TMEM52B: variants seen among roughly 807,000 people sequenced by gnomAD.
The protein encoded by TMEM52B is chromosome 12 open reading frame 59.
TMEM52B carries 11 observed loss-of-function variants against 16.1 expected under a neutral mutation model. The observed-to-expected ratio is 0.68, with a 90% CI of 0.43 to 1.13. The LOEUF (loss-of-function observed/expected upper bound fraction) is 1.13, where lower values mean the gene tolerates loss of function less well. Among genes scored for constraint, TMEM52B ranks in the 50% most tolerant of loss-of-function variants. The probability of loss-of-function intolerance (pLI) is 0.00; values close to 1 mark genes in which losing one functional copy is unlikely to be tolerated. For missense variants in TMEM52B, 243 were observed against 230.4 expected, an observed-to-expected ratio of 1.05 and a Z score of -0.35; for synonymous variants, 101 against 93.8, an observed-to-expected ratio of 1.08 and a Z score of -0.45.
chr12:10,190,496 A>G lies in TMEM52B; in HGVS notation c.*356A>G, dbSNP rs1948945757. 1 of 244,332 alleles carries G rather than the reference A, an allele frequency of 4.1e-6. No individual in the cohort carries two copies. Among genetic ancestry groups the G allele is most frequent in the East Asian group, 9.2e-5 (1 of 10,858 alleles). 15.1% of individuals were successfully genotyped at this position (244,332 alleles called of 1,614,324 possible). A position where few individuals can be genotyped will look rare whatever the true frequency, so the allele number is the denominator to read the frequency against. ...AAGTTGTGTCTCTCTCTGTCAGCGA[A>G]TCCACTGCGGTTAACTGGAAAAGAA... is the stretch of plus-strand genomic sequence containing the variant. On this transcript the variant is annotated 3_prime_UTR_variant, in exon 5 of 5. Coordinates refer to ENST00000543484, the MANE Select transcript of TMEM52B (RefSeq NM_001384896.1).
rs1322996044 is a variant in TMEM52B at position 10,182,538 on chromosome 12, C to A, written c.55-12C>A. The A allele has an allele frequency of 6.5e-7, 1 of 1,534,744 alleles. No individual in the cohort carries two copies. The highest frequency in any genetic ancestry group is 2.0e-5 in the Admixed American group (1 of 50,940). On this transcript the variant is annotated splice_polypyrimidine_tract_variant and intron_variant, in intron 1 of 4. Coordinates refer to ENST00000543484, the MANE Select transcript of TMEM52B (RefSeq NM_001384896.1). ...ACAATTTCCCTGTATAAGACAATTT[C>A]TCTTTCTACAGCTTTCTGGGACGAG... is the stretch of plus-strand genomic sequence containing the variant.
intron 1 of TMEM52B, among the ~76,000 whole-genome samples, chr12:10,173,333 C>T (rs920039792): frequency 6.6e-6 from 1 of 151,858 alleles, no homozygotes; most frequent in African/African-American, 2.4e-5. Flanking sequence ...AAAGAATACA[C>T]AAAGGAAGAA....
chr12:10,183,197 G>A (rs1042901480), intron 2 of TMEM52B, among the ~76,000 whole-genome samples: 3 of 152,092 alleles, frequency 2.0e-5, no homozygotes, highest in Admixed American at 1.3e-4. Context: ...GAATAAAAAC[G>A]TGTTTAGGAT....
intron 1 of TMEM52B, chr12:10,172,148 T>A: frequency 2.0e-6 from 2 of 1,013,832 alleles, no homozygotes; most frequent in Non-Finnish European, 3.1e-6. Context: ...TATGTGAGCT[T>A]CTGCAGAAGT....
In TMEM52B at chr12:10,190,051, A is replaced by G. The variant is rs1948939874; in HGVS notation, c.463A>G (p.Lys155Glu). Residue 155 changes from lysine to glutamate, a missense_variant, in exon 5 of 5, where the codon AAA becomes GAA. By Grantham distance (56) the Lys-to-Glu change is moderately conservative. Transcript: ENST00000543484. ...CTTCACAGTAGCCATGTGCGGGCAG[A>G]AAGCACCTGATCTACCCCCAGTACC... ...SRFTVAMCGQ[K>E]APDLPPVPEE... 2 of 1,614,032 alleles carry G rather than the reference A, an allele frequency of 1.2e-6. No homozygotes were observed. The highest frequency in any genetic ancestry group is 2.7e-5 in the African/African-American group (2 of 74,890).
chr12:10,175,943 C>T (rs1050673584), upstream of TMEM52B, among the ~76,000 whole-genome samples: 2 of 152,228 alleles, frequency 1.3e-5, no homozygotes, highest in South Asian at 2.1e-4. Flanking sequence ...ACACTTGTTA[C>T]ACCAGTTGTA....
Position 10,179,627 on chromosome 12 carries a change from T to C in TMEM52B, c.53T>C (p.Leu18Pro). 6.2e-7 allele frequency: 1 copy of C among 1,614,200 alleles called. No homozygotes were observed. Among genetic ancestry groups the C allele is most frequent in the Non-Finnish European group, 8.5e-7 (1 of 1,180,014 alleles). ...GCCTCAGCCCTGCTGTATTTCATCCTGGTGAGTTCAGTGGTGAAAAGGCAG... is the reference window on the plus strand; with the variant it reads ...GCCTCAGCCCTGCTGTATTTCATCCCGGTGAGTTCAGTGGTGAAAAGGCAG... The part of the protein sequence containing the change: ...VAASALLYFI[L>P]LSGTRCEENC... The change falls in exon 1 of 5, where the codon CTG becomes CCG. Residue 18 changes from leucine (L) to proline (P), a missense_variant and splice_region_variant. Transcript: ENST00000543484.
chr12:10,174,917 T>C (rs551619833), upstream of TMEM52B, among the ~76,000 whole-genome samples: 2 of 152,366 alleles, frequency 1.3e-5, no homozygotes, highest in South Asian at 2.1e-4. Context: ...CAGAATTTTG[T>C]TCCTTTTAAA....
rs765382213 is a variant in TMEM52B at position 10,172,119 on chromosome 12, A to G, written c.-95+1268A>G. 7.4e-6 allele frequency: 10 copies of G among 1,351,530 alleles called. No individual in the cohort carries two copies. In the East Asian group the frequency reaches 1.6e-4, roughly 22 times the overall value. The allele number at this position is 1,351,530 out of a possible 1,614,324, so 83.7% of individuals were successfully genotyped here. A position where few individuals can be genotyped will look rare whatever the true frequency, so the allele number is the denominator to read the frequency against. ...AGAATGAGAGAGTGAAGCAGTCACG[A>G]ACTTCAACAAACTAAAAATATGTGA... On this transcript the variant is annotated intron_variant, in intron 1 of 5. Transcript: ENST00000381923.
upstream of TMEM52B, chr12:10,178,875 A>C (rs930533366): frequency 6.6e-6 from 1 of 152,190 alleles, no homozygotes; most frequent in African/African-American, 2.4e-5. Flanking sequence ...TCCAAAGATG[A>C]GATGGCTTTC....
intron 4 of TMEM52B, 145 bp downstream of exon 4, chr12:10,186,734 C>T: frequency 2.4e-6 from 2 of 821,606 alleles, no homozygotes; most frequent in Non-Finnish European, 1.7e-6. Flanking sequence ...CCTGATGGTG[C>T]AGTGACCTGG....
intron 4 of TMEM52B, among the ~76,000 whole-genome samples, chr12:10,187,302 A>C (rs1948892261): frequency 6.6e-6 from 1 of 152,018 alleles, no homozygotes; most frequent in East Asian, 1.9e-4. Context: ...AGGTTTCACC[A>C]TCTTGGCCAG....
At chr12:10,182,121 C>T (rs150196585) in intron 1 of TMEM52B, 9 of 984,648 alleles carry the variant, frequency 9.1e-6, no homozygotes, top group Non-Finnish European at 1.1e-5. Context: ...CACTGGCCCC[C>T]TCGCTTTTCC....
At chr12:10,179,704 A>T in intron 1 of TMEM52B, 76 bp downstream of exon 1, 1 of 1,568,444 alleles carries the variant, frequency 6.4e-7, no homozygotes, top group South Asian at 1.1e-5. Flanking sequence ...CTGAAAGGAA[A>T]TGAACTGCGG....
intron 1 of TMEM52B, chr12:10,172,401 C>T (rs1230508922): frequency 9.8e-6 from 2 of 203,210 alleles, no homozygotes; most frequent in East Asian, 1.1e-4. Flanking sequence ...GAGACAGAAA[C>T]TGAAATTCAA....
chr12:10,177,774 A>G (rs1043164718), upstream of TMEM52B, among the ~76,000 whole-genome samples: 1 of 49,788 alleles, frequency 2.0e-5, no homozygotes, highest in African/African-American at 1.7e-4. Context: ...CTCAAATAAT[A>G]ATAATAATAA....
chr12:10,190,080 A>T lies in TMEM52B; in HGVS notation c.492A>T (p.Glu164Asp). The T allele has an allele frequency of 1.2e-6, 2 of 1,614,226 alleles. No individual in the cohort carries two copies. The highest frequency in any genetic ancestry group is 1.6e-4 in the Middle Eastern group (1 of 6,062). The change falls in exon 5 of 5, where the codon GAA becomes GAT. Residue 164 changes from glutamate (E) to aspartate (D), a missense_variant. Glu to Asp is a conservative substitution (Grantham distance 45, BLOSUM62 2). Coordinates refer to ENST00000543484, the MANE Select transcript of TMEM52B (RefSeq NM_001384896.1). ...QKAPDLPPVPEEKQLPPTEKE... is the reference protein window; with the variant it reads ...QKAPDLPPVPDEKQLPPTEKE... The stretch of plus-strand genomic sequence containing the variant: ...CACCTGATCTACCCCCAGTACCTGA[A>T]GAAAAGCAGCTGCCTCCAACAGAGA...
rs1316789192 is a variant in TMEM52B at position 10,190,153 on chromosome 12, T to C, written c.*13T>C. ...CTCTTGGAACTGATGAGAGCTGTCA[T>C]TTTATAAATAGGAGTGGAGTGATGT... On this transcript the variant is annotated 3_prime_UTR_variant, in exon 5 of 5. Coordinates refer to ENST00000543484, the MANE Select transcript of TMEM52B (RefSeq NM_001384896.1). 6.2e-7 allele frequency: 1 copy of C among 1,614,004 alleles called. No individual in the cohort carries two copies. The highest frequency in any genetic ancestry group is 1.7e-5 in the Admixed American group (1 of 59,980).
chr12:10,174,599 C>T (rs555531115), upstream of TMEM52B, among the ~76,000 whole-genome samples: 3 of 152,264 alleles, frequency 2.0e-5, no homozygotes, highest in South Asian at 2.1e-4. Context: ...ACTCGCTGGC[C>T]GAGTCTGGCA....
Sources: allele counts gnomAD v4.1 joint callset (sites outside exome capture counted in the v4.1 genomes callset), GRCh38; gene constraint gnomAD v4.1.1; transcripts MANE v1.5; gene names NCBI Gene and HGNC (gene_info 2026-07-23, HGNC 2026-07-21).